Variants in MKLN1 observed in about 807,000 individuals in gnomAD.
MKLN1 encodes the protein muskelin.
In MKLN1, 18 loss-of-function variants were observed where a neutral mutation model predicts 99.0. The observed-to-expected ratio is 0.18, with a 90% confidence interval of 0.13 to 0.27. MKLN1 has a LOEUF of 0.27. MKLN1 is among the 10% of genes least tolerant of loss of function. The pLI, the probability that MKLN1 is intolerant of heterozygous loss-of-function variation, is 1.00. For synonymous variants in MKLN1, 288 were observed against 293.2 expected, an observed-to-expected ratio of 0.98 and a Z score of 0.18; for missense variants, 621 against 875.9, an observed-to-expected ratio of 0.71 and a Z score of 3.67.
At position 131,240,521 on chromosome 7, in the gene MKLN1, T is replaced by C. The variant is rs367788771; in HGVS notation, c.-179+37547T>C. ...AATGAAAAATACTATCTAATATAGA[T>C]AAAAGTACATGGAAATAGGAACATT... On this transcript the variant is annotated intron_variant, in intron 3 of 7. Transcript: ENST00000416992. 3.8e-4 allele frequency among the ~76,000 whole-genome samples: 58 copies of C among 152,308 alleles called. 1 individual carries two copies. In the South Asian group the frequency reaches 6.6e-3, roughly 17 times the overall value.
chr7:131,299,457 T>A (rs1040235818), intron 3 of MKLN1, among the ~76,000 whole-genome samples: 1 of 152,196 alleles, frequency 6.6e-6, no homozygotes, highest in African/African-American at 2.4e-5. Flanking sequence ...GAGCTAGATT[T>A]TTTTCTCCTT....
chr7:131,277,468 G>C (rs1461675835), intron 3 of MKLN1, among the ~76,000 whole-genome samples: 1 of 152,120 alleles, frequency 6.6e-6, no homozygotes, highest in East Asian at 1.9e-4. Flanking sequence ...ATTTTTAGTA[G>C]AGACGGGGTT....
In MKLN1 at chr7:131,133,820, G is replaced by GTT. The variant is rs1563226583; in HGVS notation, c.-418-8975_-418-8974dup. On this transcript the variant is annotated intron_variant, in intron 1 of 7. Coordinates refer to the MKLN1 transcript ENST00000416992. ...CTTCTTTTTTTTTTTTTTTAATTTG[G>GTT]TTTTTTTTTTTTTTTTTTTTTTTTT... Among the ~76,000 whole-genome samples the GTT allele has an allele frequency of 7.5e-4, 18 of 24,054 alleles. 2 individuals carry two copies. Among genetic ancestry groups the GTT allele is most frequent in the African/African-American group, 1.2e-3 (8 of 6,644 alleles). 15.8% of individuals were successfully genotyped at this position (24,054 alleles called of 152,430 possible). A position where few individuals can be genotyped will look rare whatever the true frequency, so the allele number is the denominator to read the frequency against.
At chr7:131,444,751 TAGTAGTAGA>T (rs1309867500) in intron 11 of MKLN1, among the ~76,000 whole-genome samples, 4 of 61,404 alleles carry the variant, frequency 6.5e-5, no homozygotes, top group South Asian at 4.8e-4. Flanking sequence ...GTAGTAGTAG[TAGTAGTAGA>T]AGAAGTAGTA....
chr7:131,172,507 G>T (rs1473918440), intron 2 of MKLN1, among the ~76,000 whole-genome samples: 1 of 120,106 alleles, frequency 8.3e-6, no homozygotes, highest in Admixed American at 9.3e-5. Context: ...AGTAGAGACA[G>T]GGTTTCACCA....
intron 2 of MKLN1, among the ~76,000 whole-genome samples, chr7:131,164,561 T>G (rs1262134097): frequency 6.6e-6 from 1 of 152,232 alleles, no homozygotes; most frequent in Non-Finnish European, 1.5e-5. Context: ...TGCCATTTTT[T>G]TTGTTGTTTG....
Position 131,297,411 on chromosome 7 carries a change from C to G in MKLN1, c.-178-78013C>G, listed in dbSNP as rs537099092. 2.8e-3 allele frequency among the ~76,000 whole-genome samples: 196 copies of G among 70,468 alleles called. 1 individual carries two copies. Among genetic ancestry groups the G allele is most frequent in the African/African-American group, 7.4e-3 (180 of 24,290 alleles). The allele number at this position is 70,468 out of a possible 152,430, so 46.2% of individuals were successfully genotyped here. A position where few individuals can be genotyped will look rare whatever the true frequency, so the allele number is the denominator to read the frequency against. ...GTGTGTGTATATATATACACAAATA[C>G]TCTGTGTGTGTGTGTGTACATACAC... On this transcript the variant is annotated intron_variant, in intron 3 of 7. Coordinates refer to the MKLN1 transcript ENST00000416992.
At chr7:131,199,624 A>G (rs1485076329) in intron 2 of MKLN1, among the ~76,000 whole-genome samples, 1 of 152,190 alleles carries the variant, frequency 6.6e-6, no homozygotes, top group East Asian at 1.9e-4. Flanking sequence ...GCCTTTATAT[A>G]TCACATCAAG....
At chr7:131,165,771 G>A (rs984079930) in intron 2 of MKLN1, among the ~76,000 whole-genome samples, 28 of 152,158 alleles carry the variant, frequency 1.8e-4, no homozygotes, top group African/African-American at 6.5e-4. Context: ...TAGCGGCACC[G>A]GGTGGTACGA....
At chr7:131,351,173 A>G (rs933178211) in intron 1 of MKLN1, among the ~76,000 whole-genome samples, 5 of 151,958 alleles carry the variant, frequency 3.3e-5, no homozygotes, top group Admixed American at 2.0e-4. Flanking sequence ...GCTTGAGTCC[A>G]GGAGGTCGAG....
intron 2 of MKLN1, among the ~76,000 whole-genome samples, chr7:131,378,277 A>G (rs998970488): frequency 1.3e-5 from 2 of 151,940 alleles, no homozygotes; most frequent in African/African-American, 4.8e-5. Flanking sequence ...ACGCCCAGCT[A>G]ATTTTTGTAT....
chr7:131,246,065 G>T (rs1195425938), intron 3 of MKLN1, among the ~76,000 whole-genome samples: 3 of 152,218 alleles, frequency 2.0e-5, no homozygotes, highest in Non-Finnish European at 2.9e-5. Flanking sequence ...CTGGGGAGGG[G>T]GCCCAAGGTC....
At chr7:131,412,036 G>T (rs567824570) in intron 7 of MKLN1, among the ~76,000 whole-genome samples, 1 of 151,584 alleles carries the variant, frequency 6.6e-6, no homozygotes, top group South Asian at 2.1e-4. Flanking sequence ...GCAGTCAGCC[G>T]TGTTCATACC....
intron 1 of MKLN1, among the ~76,000 whole-genome samples, chr7:131,331,225 G>C (rs572230189): frequency 6.6e-6 from 1 of 152,184 alleles, no homozygotes; most frequent in South Asian, 2.1e-4. Context: ...GTCCATACAG[G>C]GTAAGTAGCT....
At chr7:131,240,336 T>C (rs1192202571) in intron 3 of MKLN1, among the ~76,000 whole-genome samples, 1 of 152,190 alleles carries the variant, frequency 6.6e-6, no homozygotes, top group African/African-American at 2.4e-5. Context: ...GAAGCTGCTC[T>C]AGGTCTACTA....
intron 10 of MKLN1, among the ~76,000 whole-genome samples, chr7:131,441,668 A>G (rs1255477033): frequency 6.6e-6 from 1 of 152,218 alleles, no homozygotes; most frequent in Non-Finnish European, 1.5e-5. Context: ...TATGCTAGGA[A>G]GAACTACCAA....
chr7:131,421,426 G>A (rs1417203132), intron 8 of MKLN1, among the ~76,000 whole-genome samples: 2 of 152,134 alleles, frequency 1.3e-5, no homozygotes, highest in Non-Finnish European at 2.9e-5. Flanking sequence ...TGATATGGCA[G>A]CCACATATAA....
chr7:131,139,879 C>T (rs1795706168), intron 1 of MKLN1, among the ~76,000 whole-genome samples: 1 of 152,118 alleles, frequency 6.6e-6, no homozygotes, highest in African/African-American at 2.4e-5. Context: ...GGCTACTGTT[C>T]AACAGACAGG....
At chr7:131,306,250 G>T (rs539327642) in intron 3 of MKLN1, among the ~76,000 whole-genome samples, 8 of 152,306 alleles carry the variant, frequency 5.3e-5, no homozygotes, top group African/African-American at 1.9e-4. Flanking sequence ...ATAGCAGTGT[G>T]AGAATGGAGT....
Sources: allele counts gnomAD v4.1 joint callset (sites outside exome capture counted in the v4.1 genomes callset), GRCh38; gene constraint gnomAD v4.1.1; transcripts MANE v1.5; gene names NCBI Gene and HGNC (gene_info 2026-07-23, HGNC 2026-07-21).